NYNRIN: variants seen among roughly 807,000 people sequenced by gnomAD.
The protein encoded by NYNRIN is NYN domain and retroviral integrase containing, also known as protein NYNRIN.
A neutral mutation model predicts 146.6 loss-of-function variants in NYNRIN; 86 were observed. The ratio of observed to expected loss-of-function variants is 0.59; its 90% CI spans 0.49 to 0.70. The LOEUF (loss-of-function observed/expected upper bound fraction) is 0.70. Among genes scored for constraint, NYNRIN ranks in the 30% least tolerant of loss-of-function variants. The pLI, the probability that NYNRIN is intolerant of heterozygous loss-of-function variation, is 0.00. For synonymous variants in NYNRIN, 1,027 were observed against 1,001.3 expected (o/e 1.03, Z -0.48); for missense variants, 2,191 against 2,377.7 (o/e 0.92, Z 1.63).
intron 2 of NYNRIN, among the ~76,000 whole-genome samples, chr14:24,407,456 C>T (rs2139345694): frequency 6.6e-6 from 1 of 152,314 alleles, no homozygotes; most frequent in South Asian, 2.1e-4. Flanking sequence ...GCCACTTTCT[C>T]CCCAGCTGTC....
rs1240597297 is a variant in NYNRIN at position 24,411,578 on chromosome 14, A to G, written c.2642+128A>G. Reference sequence around the variant, plus strand: ...CATGTTGGGGGTGTCGGTTGTGCAGAGGGTGGGGTGGAGCACGGGCATCTG... The same window carrying G: ...CATGTTGGGGGTGTCGGTTGTGCAGGGGGTGGGGTGGAGCACGGGCATCTG... On this transcript the variant is annotated intron_variant, in intron 6 of 8. Transcript: ENST00000382554. The surrounding 1 kb of genome is among the most constrained non-coding windows in gnomAD (Gnocchi z 4.3). 1.2e-5 allele frequency: 10 copies of G among 805,434 alleles called. No individual in the cohort carries two copies. Among genetic ancestry groups the G allele is most frequent in the Admixed American group, 2.1e-5 (1 of 47,340 alleles). 49.9% of individuals were successfully genotyped at this position (805,434 alleles called of 1,614,324 possible). A position where few individuals can be genotyped will look rare whatever the true frequency, so the allele number is the denominator to read the frequency against.
chr14:24,404,580 T>C (rs1266541408), intron 2 of NYNRIN, among the ~76,000 whole-genome samples: 1 of 152,210 alleles, frequency 6.6e-6, no homozygotes, highest in African/African-American at 2.4e-5. Context: ...TGATAATCCT[T>C]GCATGATAAA....
rs776680206 is a variant in NYNRIN, at chr14:24,399,381, C to G, written c.135C>G (p.Arg45=). 1 of 1,613,674 alleles carries G rather than the reference C, an allele frequency of 6.2e-7. No individual in the cohort carries two copies. Among genetic ancestry groups the G allele is most frequent in the East Asian group, 2.2e-5 (1 of 44,880 alleles). ...TCAAGCTGAACGCCTTCCAGAGCCG[C>G]CCGGACACCCCCTACTTCTGGCTAC... The part of the protein sequence containing the change: ...FRVKLNAFQS[R]PDTPYFWLQL... Residue 45 remains arginine (R), a synonymous_variant, in exon 2 of 9, where the codon CGC becomes CGG. Transcript: ENST00000382554.
rs1254950087 is a variant in NYNRIN at position 24,416,874 on chromosome 14, C to T, written c.5125C>T (p.Gln1709Ter). 3 of 1,607,828 alleles carry T rather than the reference C, an allele frequency of 1.9e-6. No homozygotes were observed. Among genetic ancestry groups the T allele is most frequent in the Non-Finnish European group, 1.7e-6 (2 of 1,176,494 alleles). ...GGTGGCCTCCCTGAGTCGGGACCTC[C>T]AGTTCCCCTGCCTGACGAGCTCAGG... Reference protein sequence around the residue: ...AQVASLSRDLQFPCLTSSGAY... With the variant: ...AQVASLSRDL The change falls in exon 9 of 9, where the codon CAG becomes TAG. Residue 1709 changes from glutamine (Q) to a stop codon, truncating the protein, a stop_gained. Transcript: ENST00000382554. LOFTEE classifies it high-confidence loss of function.
Position 24,417,572 on chromosome 14 carries a change from T to A in NYNRIN, c.*126T>A. On this transcript the variant is annotated 3_prime_UTR_variant, in exon 9 of 9. Transcript: ENST00000382554. The stretch of plus-strand genomic sequence containing the variant: ...TTGTGCCTTTTGTAGAGAACTTGCT[T>A]CATAAAGCTTTGCTGAATTGCCTTG... 2 of 1,294,546 alleles carry A rather than the reference T, an allele frequency of 1.5e-6. No homozygotes were observed. The highest frequency in any genetic ancestry group is 2.0e-6 in the Non-Finnish European group (2 of 996,288). 80.2% of individuals were successfully genotyped at this position (1,294,546 alleles called of 1,614,324 possible). A position where few individuals can be genotyped will look rare whatever the true frequency, so the allele number is the denominator to read the frequency against.
Position 24,416,579 on chromosome 14 carries a change from G to T in NYNRIN, c.4830G>T (p.Ser1610=). ...KVIESPWPLR[S]TAPWSNLQIE... is the part of the protein sequence containing the mutation. Reference sequence around the variant, plus strand: ...TTGAGTCCCCATGGCCCCTCAGGTCGACCGCCCCCTGGTCGAACCTGCAGA... The same window carrying T: ...TTGAGTCCCCATGGCCCCTCAGGTCTACCGCCCCCTGGTCGAACCTGCAGA... The change falls in exon 9 of 9, where the codon TCG becomes TCT. Residue 1610 remains serine, a synonymous_variant. Coordinates refer to ENST00000382554, the MANE Select transcript of NYNRIN (RefSeq NM_025081.3). 1.2e-6 allele frequency: 2 copies of T among 1,613,924 alleles called. No individual in the cohort carries two copies. Among genetic ancestry groups the T allele is most frequent in the South Asian group, 1.1e-5 (1 of 91,072 alleles).
chr14:24,411,508 G>T lies in NYNRIN; in HGVS notation c.2642+58G>T. The stretch of plus-strand genomic sequence containing the variant: ...TCAGGGAGTTGGGCCTGGCTGGTGT[G>T]TCAGGTGGAGTCCGGCCTGTCTTCT... On this transcript the variant is annotated intron_variant, in intron 6 of 8. Transcript: ENST00000382554. The surrounding 1 kb of genome is among the most constrained non-coding windows in gnomAD (Gnocchi z 4.3). 7.0e-7 allele frequency: 1 copy of T among 1,419,574 alleles called. No individual in the cohort carries two copies. The allele number at this position is 1,419,574 out of a possible 1,614,324, so 87.9% of individuals were successfully genotyped here.
chr14:24,402,655 T>C (rs2042851893), intron 2 of NYNRIN, among the ~76,000 whole-genome samples: 1 of 151,710 alleles, frequency 6.6e-6, no homozygotes, highest in Non-Finnish European at 1.5e-5. Context: ...AGTGGAGGAG[T>C]ATTTACAGCC....
At position 24,408,819 on chromosome 14, in the gene NYNRIN, G is replaced by A. The variant is rs778026341; in HGVS notation, c.1025G>A (p.Gly342Asp). 3.7e-6 allele frequency: 6 copies of A among 1,613,924 alleles called. No homozygotes were observed. The East Asian group carries it at 1.1e-4, about 30-fold the overall frequency. The change falls in exon 4 of 9, where the codon GGT becomes GAT. Residue 342 changes from glycine (G) to aspartate (D), a missense_variant. This residue lies in a region of NYNRIN where 895 missense variants were observed against 941.2 expected (regional missense o/e 0.95). Coordinates refer to ENST00000382554, the MANE Select transcript of NYNRIN (RefSeq NM_025081.3). ...LLFQPPVSALGVCPPWKAWTP... is the reference protein window; with the variant it reads ...LLFQPPVSALDVCPPWKAWTP... Reference sequence around the variant, plus strand: ...TTCCAACCTCCAGTATCAGCCCTGGGTGTGTGCCCACCCTGGAAGGCCTGG... The same window carrying A: ...TTCCAACCTCCAGTATCAGCCCTGGATGTGTGCCCACCCTGGAAGGCCTGG...
At position 24,417,810 on chromosome 14, in the gene NYNRIN, C is replaced by CT. The variant is rs2042959135; in HGVS notation, c.*365dup. On this transcript the variant is annotated 3_prime_UTR_variant, in exon 9 of 9. Transcript: ENST00000382554. ...TGTGCACACACACTCACGAAAGAAT[C>CT]TATCTTGGCCATGAAACTGTGGCTG... 4.5e-6 allele frequency: 1 copy of CT among 221,666 alleles called. No homozygotes were observed. Among genetic ancestry groups the CT allele is most frequent in the Non-Finnish European group, 8.9e-6 (1 of 112,484 alleles). The allele number at this position is 221,666 out of a possible 1,614,324, so 13.7% of individuals were successfully genotyped here. A position where few individuals can be genotyped will look rare whatever the true frequency, so the allele number is the denominator to read the frequency against.
At chr14:24,412,271 C>A (rs868170770) in intron 6 of NYNRIN, among the ~76,000 whole-genome samples, 1 of 152,176 alleles carries the variant, frequency 6.6e-6, no homozygotes, top group Non-Finnish European at 1.5e-5. Flanking sequence ...TGGAAGATGG[C>A]TTTTCCGCAG....
intron 2 of NYNRIN, among the ~76,000 whole-genome samples, chr14:24,406,239 A>G (rs539839379): frequency 6.2e-4 from 92 of 149,370 alleles, no homozygotes; most frequent in African/African-American, 2.1e-3. Context: ...AATAAAATAA[A>G]ATAAAATAAA....
Position 24,414,673 on chromosome 14 carries a change from G to A in NYNRIN, c.2924G>A (p.Ser975Asn), listed in dbSNP as rs761027102. 1.2e-6 allele frequency: 2 copies of A among 1,613,786 alleles called. No homozygotes were observed. Among genetic ancestry groups the A allele is most frequent in the South Asian group, 1.1e-5 (1 of 91,036 alleles). The change falls in exon 9 of 9, where the codon AGT (serine) becomes AAT (asparagine). Residue 975 changes from serine to asparagine, a missense_variant. Around this residue, in one of 3 missense-constraint regions of NYNRIN, gnomAD observed 1,291 missense variants for 1,417.0 expected, o/e 0.91. Transcript: ENST00000382554. ...PPSSASVTEL[S>N]DDADSGPLES... is the part of the protein sequence containing the mutation. ...AGCTCAGCCAGTGTCACTGAGCTGA[G>A]TGATGACGCTGACTCTGGGCCCCTG...
At chr14:24,404,875 C>T (rs1420206819) in intron 2 of NYNRIN, among the ~76,000 whole-genome samples, 6 of 152,104 alleles carry the variant, frequency 3.9e-5, no homozygotes, top group Non-Finnish European at 8.8e-5. Flanking sequence ...TCACTCCCTC[C>T]ATGTTTTTTT....
In NYNRIN at chr14:24,414,612, G is replaced by A; in HGVS notation, c.2863G>A (p.Gly955Ser). The A allele has an allele frequency of 1.9e-6, 3 of 1,611,512 alleles. No homozygotes were observed. The highest frequency in any genetic ancestry group is 2.5e-6 in the Non-Finnish European group (3 of 1,178,184). The change falls in exon 9 of 9, where the codon GGC becomes AGC. Residue 955 changes from glycine (G) to serine (S), a missense_variant. Transcript: ENST00000382554. ...KKPNRLDTDIGNFLKVWKTLP... is the reference protein window; with the variant it reads ...KKPNRLDTDISNFLKVWKTLP... ...TTGGTGTAGGTTGGACACTGACATT[G>A]GCAACTTCCTGAAGGTGTGGAAGAC...
At chr14:24,414,250 C>T (rs892703733) in intron 8 of NYNRIN, among the ~76,000 whole-genome samples, 2 of 152,340 alleles carry the variant, frequency 1.3e-5, no homozygotes, top group Non-Finnish European at 2.9e-5. Flanking sequence ...GGTGACACTG[C>T]CCCCCCTTTT....
rs368756509 is a variant in NYNRIN, at chr14:24,408,294, C to A, written c.624C>A (p.Arg208=). The A allele has an allele frequency of 6.2e-7, 1 of 1,612,886 alleles. No individual in the cohort carries two copies. Residue 208 remains arginine (R), a synonymous_variant, in exon 3 of 9, where the codon CGC becomes CGA. Transcript: ENST00000382554. ...GKEDIIEWLS[R]FGISDSHSDP... is the part of the protein sequence containing the mutation. ...AAGACATCATCGAGTGGCTCAGCCG[C>A]TTCGGCATCTCTGACTCCCACTCCG... is the stretch of plus-strand genomic sequence containing the variant.
At chr14:24,406,521 A>G (rs890847650) in intron 2 of NYNRIN, among the ~76,000 whole-genome samples, 15 of 152,284 alleles carry the variant, frequency 9.9e-5, no homozygotes, top group Non-Finnish European at 8.8e-5. Context: ...CTGGTTTTGA[A>G]CTGATTGAAA....
Position 24,415,597 on chromosome 14 carries a change from G to A in NYNRIN, c.3848G>A (p.Arg1283His), listed in dbSNP as rs775781760. Residue 1283 changes from arginine to histidine, a missense_variant, in exon 9 of 9, where the codon CGC becomes CAC. By Grantham distance (29) the Arg-to-His change is conservative. Transcript: ENST00000382554. ...CTCCAGGGCCTGCTGGGGGAGAACC[G>A]CCTGCTCACCCCCGCGGCCTCCATG... ...ALLQGLLGEN[R>H]LLTPAASMPR... 14 of 1,613,808 alleles carry A rather than the reference G, an allele frequency of 8.7e-6. No individual in the cohort carries two copies. Among genetic ancestry groups the A allele is most frequent in the South Asian group, 7.7e-5 (7 of 91,088 alleles).
Sources: gnomAD v4.1 joint callset for allele counts (sites outside exome capture counted in the v4.1 genomes callset) on GRCh38, gnomAD v4.1.1 for gene constraint, gnomAD v4.1.1 regional missense constraint, Gnocchi (gnomAD v3.1) non-coding constraint, MANE v1.5 for transcripts, NCBI Gene and HGNC (gene_info 2026-07-23, HGNC 2026-07-21) for gene names.